Variants in SATB2 observed in about 807,000 individuals in gnomAD.
The protein encoded by SATB2 is SATB homeobox 2.
In SATB2, 1 loss-of-function variant was observed where a neutral mutation model predicts 73.4. The ratio of observed to expected loss-of-function variants is 0.01; its 90% CI spans 0.00 to 0.06. SATB2 has a LOEUF of 0.06. Ranked by LOEUF, SATB2 falls within the 10% of genes least tolerant of loss-of-function variation. The pLI is 1.00. For missense variants in SATB2, 459 were observed against 945.8 expected (o/e 0.49, Z 6.75); for synonymous variants, 397 against 367.0 (o/e 1.08, Z -0.93).
intron 2 of SATB2, among the ~76,000 whole-genome samples, chr2:199,439,362 G>A (rs1340524869): frequency 6.6e-6 from 1 of 152,216 alleles, no homozygotes; most frequent in African/African-American, 2.4e-5. Context: ...TCTGTCTCTT[G>A]AAGGAAGGCA....
At chr2:199,387,732 T>A (rs1415924626) in intron 3 of SATB2, among the ~76,000 whole-genome samples, 1 of 152,150 alleles carries the variant, frequency 6.6e-6, no homozygotes, top group African/African-American at 2.4e-5. Flanking sequence ...AAATATAGAG[T>A]ACCAATCTAC....
chr2:199,325,435 C>T (rs1688003127), intron 8 of SATB2: 1 of 152,164 alleles, frequency 6.6e-6, no homozygotes, highest in Non-Finnish European at 1.5e-5. Flanking sequence ...GCACTACACA[C>T]TGCCTCCAAA....
chr2:199,324,034 G>T, intron 8 of SATB2, 76 bp from the exon 9 acceptor site: 1 of 1,534,228 alleles, frequency 6.5e-7, no homozygotes, highest in East Asian at 2.3e-5. Context: ...AATTATCAAA[G>T]GATTTCAGTC....
At chr2:199,279,936 T>C (rs768093971) in intron 10 of SATB2, among the ~76,000 whole-genome samples, 3 of 151,892 alleles carry the variant, frequency 2.0e-5, no homozygotes, top group Non-Finnish European at 2.9e-5. Flanking sequence ...AGTTCAGGAG[T>C]TCAAGACCAG....
At chr2:199,320,122 G>A (rs2105784097) in intron 9 of SATB2, among the ~76,000 whole-genome samples, 1 of 152,268 alleles carries the variant, frequency 6.6e-6, no homozygotes, top group East Asian at 1.9e-4. Flanking sequence ...AGGCATTCCT[G>A]TGGCCACGCA....
At chr2:199,320,634 G>C (rs1326657604) in intron 9 of SATB2, among the ~76,000 whole-genome samples, 1 of 152,104 alleles carries the variant, frequency 6.6e-6, no homozygotes, top group East Asian at 1.9e-4. Context: ...ACACTTCCCA[G>C]TAATGGATTT....
At chr2:199,398,470 A>G (rs1336987394) in intron 3 of SATB2, among the ~76,000 whole-genome samples, 2 of 152,166 alleles carry the variant, frequency 1.3e-5, no homozygotes, top group Non-Finnish European at 2.9e-5. Flanking sequence ...TTGTCATTCA[A>G]TTTATAGGGT....
intron 6 of SATB2, among the ~76,000 whole-genome samples, chr2:199,367,171 C>T (rs1335158978): frequency 6.6e-6 from 1 of 152,154 alleles, no homozygotes; most frequent in African/African-American, 2.4e-5. Flanking sequence ...GGAGGCAACA[C>T]TTACAGAAAA....
At chr2:199,403,483 A>G (rs774932610) in intron 3 of SATB2, among the ~76,000 whole-genome samples, 1 of 152,184 alleles carries the variant, frequency 6.6e-6, no homozygotes, top group African/African-American at 2.4e-5. Context: ...AAGGTAAGAA[A>G]TATCTTGGGT....
chr2:199,322,280 A>G (rs1278595232), intron 9 of SATB2, among the ~76,000 whole-genome samples: 3 of 152,224 alleles, frequency 2.0e-5, no homozygotes, highest in Non-Finnish European at 2.9e-5. Context: ...CAGCTTTTAT[A>G]CTCACTGCAC....
intron 9 of SATB2, among the ~76,000 whole-genome samples, chr2:199,312,860 T>A (rs1368459306): frequency 6.6e-6 from 1 of 151,806 alleles, no homozygotes; most frequent in Non-Finnish European, 1.5e-5. Context: ...AGTCGAAACA[T>A]GAGAAAATAT....
At chr2:199,324,107 A>G in intron 8 of SATB2, 149 bp from the exon 9 acceptor site, 1 of 834,110 alleles carries the variant, frequency 1.2e-6, no homozygotes, top group East Asian at 2.6e-5. Context: ...TAATCAGGTT[A>G]ATTGTGATTG....
At chr2:199,341,584 C>G (rs570594915) in intron 7 of SATB2, among the ~76,000 whole-genome samples, 1 of 152,322 alleles carries the variant, frequency 6.6e-6, no homozygotes, top group African/African-American at 2.4e-5. Flanking sequence ...TATATCAATA[C>G]TGACCCATTG....
chr2:199,466,554 T>C (rs867231147), upstream of SATB2, among the ~76,000 whole-genome samples: 1 of 152,146 alleles, frequency 6.6e-6, no homozygotes, highest in Non-Finnish European at 1.5e-5. Flanking sequence ...ATGGAAGGAT[T>C]GGCAAGGAAA....
chr2:199,370,409 T>G (rs1349684878), intron 5 of SATB2, among the ~76,000 whole-genome samples: 1 of 152,162 alleles, frequency 6.6e-6, no homozygotes, highest in Non-Finnish European at 1.5e-5. Context: ...TAATAATAGA[T>G]GCATCAGTCA....
intron 10 of SATB2, among the ~76,000 whole-genome samples, chr2:199,282,131 T>C (rs528675881): frequency 8.5e-5 from 13 of 152,274 alleles, no homozygotes; most frequent in Admixed American, 2.6e-4. Context: ...TCCGCCCACC[T>C]TGGCCTCCCA....
intron 6 of SATB2, among the ~76,000 whole-genome samples, chr2:199,352,535 G>C (rs1030205416): frequency 6.6e-6 from 1 of 152,212 alleles, no homozygotes; most frequent in African/African-American, 2.4e-5. Context: ...TAGTTAAGAA[G>C]AGCAACTATG....
At chr2:199,388,514 T>C (rs1247057471) in intron 3 of SATB2, among the ~76,000 whole-genome samples, 1 of 152,154 alleles carries the variant, frequency 6.6e-6, no homozygotes, top group African/African-American at 2.4e-5. Context: ...ATATTGGGTA[T>C]ACTGCACAAT....
rs184871891 is a variant in SATB2 at position 199,417,617 on chromosome 2, T to A, written c.346+15721A>T. On this transcript the variant is annotated intron_variant, in intron 3 of 10. Coordinates refer to ENST00000417098, the MANE Select transcript of SATB2 (RefSeq NM_001172509.2). Reference sequence around the variant, plus strand: ...GAAAAACCAAGGAACAGAAAAAAAATTTGTCCCAAGACTATAACTCACTAA... The same window carrying A: ...GAAAAACCAAGGAACAGAAAAAAAAATTGTCCCAAGACTATAACTCACTAA... 2.7e-3 allele frequency among the ~76,000 whole-genome samples: 406 copies of A among 152,280 alleles called. 1 individual carries two copies. Among genetic ancestry groups the A allele is most frequent in the African/African-American group, 9.3e-3 (387 of 41,564 alleles).
Sources: gnomAD v4.1 joint callset for allele counts (sites outside exome capture counted in the v4.1 genomes callset) on GRCh38, gnomAD v4.1.1 for gene constraint, MANE v1.5 for transcripts, NCBI Gene and HGNC (gene_info 2026-07-23, HGNC 2026-07-21) for gene names.